NCK2: variants seen among roughly 807,000 people sequenced by gnomAD.
NCK2 encodes the protein cytoplasmic protein NCK2.
In NCK2, 16 loss-of-function variants were observed where a neutral mutation model predicts 33.9. That is an observed-to-expected ratio of 0.47 (90% CI 0.32 to 0.72). The LOEUF is 0.72. Among genes scored for constraint, NCK2 ranks in the 30% least tolerant of loss-of-function variants. The pLI, the probability that NCK2 is intolerant of heterozygous loss-of-function variation, is 0.03. For missense variants in NCK2, 418 were observed against 537.3 expected, an observed-to-expected ratio of 0.78 and a Z score of 2.19; for synonymous variants, 273 against 239.9, an observed-to-expected ratio of 1.14 and a Z score of -1.27.
intron 1 of NCK2, among the ~76,000 whole-genome samples, chr2:105,801,666 G>A (rs1019863617): frequency 7.2e-5 from 11 of 151,984 alleles, no homozygotes; most frequent in African/African-American, 2.4e-4. Flanking sequence ...GAGCAGCCTC[G>A]GGATTGTTCT....
chr2:105,782,699 G>A (rs376486099), intron 1 of NCK2, among the ~76,000 whole-genome samples: 26 of 152,226 alleles, frequency 1.7e-4, no homozygotes, highest in African/African-American at 5.1e-4. Context: ...GATCCGGCCC[G>A]TTGAAATCAT....
chr2:105,880,254 A>G (rs527668493), intron 3 of NCK2, among the ~76,000 whole-genome samples: 44 of 152,250 alleles, frequency 2.9e-4, no homozygotes, highest in African/African-American at 1.0e-3. Flanking sequence ...TTCAACACAT[A>G]CCTATAGGCT....
intron 1 of NCK2, among the ~76,000 whole-genome samples, chr2:105,809,030 A>G (rs776848356): frequency 2.0e-5 from 3 of 152,218 alleles, no homozygotes; most frequent in South Asian, 2.1e-4. Context: ...TGGCATGGCT[A>G]TGTTACAATG....
chr2:105,820,364 CG>C (rs1675678961), intron 2 of NCK2, among the ~76,000 whole-genome samples: 1 of 152,162 alleles, frequency 6.6e-6, no homozygotes, highest in Non-Finnish European at 1.5e-5. Context: ...GAACAGTAAG[CG>C]GGATGTCAGC....
At chr2:105,805,026 T>G (rs1157801604) in intron 1 of NCK2, among the ~76,000 whole-genome samples, 5 of 152,246 alleles carry the variant, frequency 3.3e-5, no homozygotes, top group African/African-American at 1.2e-4. Flanking sequence ...ATCCAGAGCC[T>G]GCCATGGGCC....
chr2:105,873,945 C>G (rs1027094472), intron 3 of NCK2, among the ~76,000 whole-genome samples: 1 of 152,206 alleles, frequency 6.6e-6, no homozygotes, highest in Admixed American at 6.5e-5. Context: ...CGGGAGTGCC[C>G]TGACCACACA....
intron 2 of NCK2, among the ~76,000 whole-genome samples, chr2:105,834,908 G>GCAATCCTCCCGGC (rs1676335755): frequency 2.0e-5 from 3 of 152,034 alleles, no homozygotes; most frequent in Admixed American, 6.5e-5. Context: ...GAACTCCTGG[G>GCAATCCTCCCGGC]CTCAAGCAAT....
chr2:105,744,872 C>CGCT (rs1223337563), upstream of NCK2: 163 of 160,358 alleles, frequency 1.0e-3, no homozygotes, highest in African/African-American at 3.7e-3. Context: ...GGGTCGCCGC[C>CGCT]GCCGCCGCCG....
chr2:105,881,284 T>C (rs1386329658), intron 3 of NCK2, 44 bp from the exon 4 acceptor site: 2 of 1,538,338 alleles, frequency 1.3e-6, no homozygotes, highest in South Asian at 2.5e-5. Flanking sequence ...AGTGTGGTGG[T>C]GCCCAAGTGC....
At chr2:105,795,580 G>C (rs10469861) in intron 1 of NCK2, among the ~76,000 whole-genome samples, 1 of 152,084 alleles carries the variant, frequency 6.6e-6, no homozygotes, top group African/African-American at 2.4e-5. Context: ...TGTATGCTCC[G>C]TCAGTGGTTC....
intron 1 of NCK2, among the ~76,000 whole-genome samples, chr2:105,812,864 G>A (rs561561726): frequency 2.0e-5 from 3 of 147,088 alleles, no homozygotes; most frequent in South Asian, 2.1e-4. Context: ...AAGCAGTAAC[G>A]TTGAAAACAA....
intron 4 of NCK2, among the ~76,000 whole-genome samples, chr2:105,890,772 G>C (rs1233389976): frequency 6.6e-6 from 1 of 152,232 alleles, no homozygotes. Context: ...AGTTGTCATT[G>C]GTAGAAATGG....
At chr2:105,861,039 C>A (rs903324718) in intron 3 of NCK2, among the ~76,000 whole-genome samples, 2 of 151,928 alleles carry the variant, frequency 1.3e-5, no homozygotes, top group African/African-American at 2.4e-5. Context: ...TGTGGAAACC[C>A]TCCAGGCAGC....
chr2:105,785,797 C>T (rs184083187), intron 1 of NCK2, among the ~76,000 whole-genome samples: 2 of 152,202 alleles, frequency 1.3e-5, no homozygotes, highest in African/African-American at 2.4e-5. Flanking sequence ...GGAGGTTGGG[C>T]GCAGGACTCC....
chr2:105,852,612 A>G (rs913733117), intron 2 of NCK2, among the ~76,000 whole-genome samples: 2 of 152,180 alleles, frequency 1.3e-5, no homozygotes, highest in East Asian at 1.9e-4. Context: ...CGAGATCTTG[A>G]CTGGTCTTAA....
Position 105,882,044 on chromosome 2 carries a change from T to C in NCK2, c.943T>C (p.Ser315Pro). 1 of 1,498,118 alleles carries C rather than the reference T, an allele frequency of 6.7e-7. No homozygotes were observed. The highest frequency in any genetic ancestry group is 8.9e-7 in the Non-Finnish European group (1 of 1,123,238). The allele number at this position is 1,498,118 out of a possible 1,614,324, so 92.8% of individuals were successfully genotyped here. A position where few individuals can be genotyped will look rare whatever the true frequency, so the allele number is the denominator to read the frequency against. Reference protein sequence around the residue: ...EGDFLIRDSESSPSDFSVSLK... With the variant: ...EGDFLIRDSEPSPSDFSVSLK... Reference sequence around the variant, plus strand: ...CGACTTCCTCATTAGGGACAGCGAGTCCTCGGTAAGTGCGCTGCGCCCACA... The same window carrying C: ...CGACTTCCTCATTAGGGACAGCGAGCCCTCGGTAAGTGCGCTGCGCCCACA... The change falls in exon 4 of 5, where the codon TCC becomes CCC. Residue 315 changes from serine to proline, a missense_variant. Physicochemically the swap from Ser to Pro is moderately conservative, Grantham distance 74 (BLOSUM62 -1). Transcript: ENST00000233154.
At chr2:105,814,858 C>A (rs938886263) in intron 1 of NCK2, among the ~76,000 whole-genome samples, 2 of 152,242 alleles carry the variant, frequency 1.3e-5, no homozygotes, top group African/African-American at 4.8e-5. Flanking sequence ...TAAAACAATT[C>A]CTTGCATTTG....
chr2:105,768,032 CA>C (rs1690003900), intron 1 of NCK2, among the ~76,000 whole-genome samples: 1 of 152,200 alleles, frequency 6.6e-6, no homozygotes, highest in Non-Finnish European at 1.5e-5. Context: ...CACTGTCCAG[CA>C]GAAATAGAAC....
chr2:105,877,585 T>C (rs992234570), intron 3 of NCK2, among the ~76,000 whole-genome samples: 4 of 152,198 alleles, frequency 2.6e-5, no homozygotes, highest in African/African-American at 9.7e-5. Context: ...CAGGGGCCTC[T>C]TCATTCTGTA....
Sources: gnomAD v4.1 joint callset for allele counts (sites outside exome capture counted in the v4.1 genomes callset) on GRCh38, gnomAD v4.1.1 for gene constraint, MANE v1.5 for transcripts, NCBI Gene and HGNC (gene_info 2026-07-23, HGNC 2026-07-21) for gene names.